Variants in PPIL6 observed in about 807,000 individuals in gnomAD.
PPIL6 encodes probable inactive peptidyl-prolyl cis-trans isomerase-like 6.
In PPIL6, 39 loss-of-function variants were observed where a neutral mutation model predicts 36.8. The ratio of observed to expected loss-of-function variants is 1.06; its 90% CI spans 0.82 to 1.38. PPIL6 has a LOEUF of 1.38. Ranked by LOEUF, PPIL6 falls within the 40% of genes most tolerant of loss-of-function variation. The pLI, the probability that PPIL6 is intolerant of heterozygous loss-of-function variation, is 0.00. For missense variants in PPIL6, 368 were observed against 379.1 expected (o/e 0.97, Z 0.24); for synonymous variants, 123 against 134.1 (o/e 0.92, Z 0.57).
intron 5 of PPIL6, among the ~76,000 whole-genome samples, chr6:109,424,904 C>T (rs750309794): frequency 1.3e-5 from 2 of 152,198 alleles, no homozygotes; most frequent in Admixed American, 6.5e-5. Flanking sequence ...AAATGGGCAA[C>T]CAGCAGCCCT....
intron 1 of PPIL6, among the ~76,000 whole-genome samples, chr6:109,436,718 T>C (rs934192752): frequency 1.3e-5 from 2 of 151,964 alleles, no homozygotes; most frequent in Admixed American, 6.6e-5. Context: ...GGGACTCTAT[T>C]TCAAAAAACA....
chr6:109,422,957 C>T lies in PPIL6; in HGVS notation c.632-3714G>A, dbSNP rs575593196. On this transcript the variant is annotated intron_variant, in intron 5 of 7. Coordinates refer to ENST00000521072, the MANE Select transcript of PPIL6 (RefSeq NM_173672.5). ...TTCATTCATATCTCTTAACCTTCAGCCAACTCACACCATAGCAGCGCTCAT... is the reference window on the plus strand; with the variant it reads ...TTCATTCATATCTCTTAACCTTCAGTCAACTCACACCATAGCAGCGCTCAT... Among the ~76,000 whole-genome samples the T allele has an allele frequency of 7.2e-5, 11 of 152,346 alleles. No homozygotes were observed. In the East Asian group the frequency reaches 9.6e-4, roughly 13 times the overall value.
chr6:109,427,304 G>A (rs747535819), intron 3 of PPIL6, 148 bp from the exon 4 acceptor site: 8 of 525,120 alleles, frequency 1.5e-5, no homozygotes, highest in Admixed American at 3.6e-5. Context: ...AAAATTAAGT[G>A]AATGACTTGT....
chr6:109,394,056 G>A (rs1291217104), intron 7 of PPIL6, among the ~76,000 whole-genome samples: 1 of 152,152 alleles, frequency 6.6e-6, no homozygotes, highest in East Asian at 1.9e-4. Context: ...ACTGAGTGAT[G>A]AATAAAAGAC....
intron 5 of PPIL6, among the ~76,000 whole-genome samples, chr6:109,425,368 A>G (rs1773757740): frequency 6.6e-6 from 1 of 152,222 alleles, no homozygotes; most frequent in African/African-American, 2.4e-5. Context: ...AAATAAAAAC[A>G]CAAACAAATA....
Position 109,413,671 on chromosome 6 carries a change from T to C in PPIL6, c.688+5516A>G, listed in dbSNP as rs192770379. On this transcript the variant is annotated intron_variant, in intron 6 of 7. Transcript: ENST00000521072. The surrounding 1 kb of genome is among the most constrained non-coding windows in gnomAD (Gnocchi z 4.6). Reference sequence around the variant, plus strand: ...AGAGATACCTGCACTCCTATGTTTGTTGCAGCACTGTTTACAATTGCCAAG... The same window carrying C: ...AGAGATACCTGCACTCCTATGTTTGCTGCAGCACTGTTTACAATTGCCAAG... 6.6e-6 allele frequency among the ~76,000 whole-genome samples: 1 copy of C among 152,344 alleles called. No individual in the cohort carries two copies. The highest frequency in any genetic ancestry group is 2.4e-5 in the African/African-American group (1 of 41,594).
intron 6 of PPIL6, among the ~76,000 whole-genome samples, chr6:109,401,005 G>A (rs948374728): frequency 1.3e-5 from 2 of 148,860 alleles, no homozygotes; most frequent in African/African-American, 5.0e-5. Flanking sequence ...GACTACAGGC[G>A]CCCGCCACCA....
At chr6:109,416,454 C>G (rs1332304898) in intron 6 of PPIL6, among the ~76,000 whole-genome samples, 1 of 151,288 alleles carries the variant, frequency 6.6e-6, no homozygotes, top group Non-Finnish European at 1.5e-5. Context: ...CCACCCGCCT[C>G]AGCCTCCCAA....
chr6:109,399,265 G>A (rs1466190716), intron 7 of PPIL6, among the ~76,000 whole-genome samples: 4 of 151,960 alleles, frequency 2.6e-5, no homozygotes, highest in South Asian at 2.1e-4. Context: ...ATGCCACCAC[G>A]CCTGGCTAAT....
chr6:109,425,499 A>C (rs1773764275), intron 5 of PPIL6, among the ~76,000 whole-genome samples: 1 of 152,254 alleles, frequency 6.6e-6, no homozygotes, highest in Non-Finnish European at 1.5e-5. Context: ...CTGTAATCCC[A>C]GCACTTTGGG....
At position 109,392,905 on chromosome 6, in the gene PPIL6, T is replaced by C. The variant is rs887366189; in HGVS notation, c.857A>G (p.Gln286Arg). 1 of 1,611,840 alleles carries C rather than the reference T, an allele frequency of 6.2e-7. No individual in the cohort carries two copies. Among genetic ancestry groups the C allele is most frequent in the Non-Finnish European group, 8.5e-7 (1 of 1,178,682 alleles). ...ATTCTGTGTTGGAACTAATTCTAGT[T>C]GTTTAAGCACTTCTGTTCCTTCAAT... is the stretch of plus-strand genomic sequence containing the variant. ...QLIEGTEVLK[Q>R]LELVPTQNER... Residue 286 changes from glutamine (Q) to arginine (R), a missense_variant, in exon 8 of 8, where the codon CAA becomes CGA. Transcript: ENST00000521072.
Position 109,405,984 on chromosome 6 carries a change from A to G in PPIL6, c.689-5814T>C, listed in dbSNP as rs562866164. 2.0e-5 allele frequency among the ~76,000 whole-genome samples: 3 copies of G among 152,192 alleles called. No homozygotes were observed. The East Asian group carries it at 5.8e-4, about 29-fold the overall frequency. On this transcript the variant is annotated intron_variant, in intron 6 of 7. Coordinates refer to ENST00000521072, the MANE Select transcript of PPIL6 (RefSeq NM_173672.5). ...AAAGTTTTTCTTAAACCTCATTTTC[A>G]CAATAAACTCAGTGGTTTTTGTTGT...
chr6:109,429,338 T>C (rs770645625), intron 3 of PPIL6, among the ~76,000 whole-genome samples: 1 of 152,280 alleles, frequency 6.6e-6, no homozygotes, highest in Non-Finnish European at 1.5e-5. Context: ...TACTCTTTTA[T>C]GGAAAGCTCT....
intron 6 of PPIL6, chr6:109,403,154 T>G: frequency 1.5e-6 from 2 of 1,366,776 alleles, no homozygotes; most frequent in Non-Finnish European, 2.0e-6. Context: ...AATTAAATTT[T>G]TTTAGAGAAG....
chr6:109,395,315 G>C (rs745981493), intron 7 of PPIL6, among the ~76,000 whole-genome samples: 2 of 151,824 alleles, frequency 1.3e-5, no homozygotes, highest in Non-Finnish European at 2.9e-5. Context: ...GCGGAGGCAT[G>C]AGAATTGCTT....
At chr6:109,407,554 A>G (rs1220919646) in intron 6 of PPIL6, among the ~76,000 whole-genome samples, 1 of 152,088 alleles carries the variant, frequency 6.6e-6, no homozygotes, top group African/African-American at 2.4e-5. Flanking sequence ...TATTCTTATT[A>G]GCCTCTATTA....
In PPIL6 at chr6:109,413,924, A is replaced by T. The variant is rs987197918; in HGVS notation, c.688+5263T>A. 2.0e-5 allele frequency among the ~76,000 whole-genome samples: 3 copies of T among 152,206 alleles called. No homozygotes were observed. Among genetic ancestry groups the T allele is most frequent in the Non-Finnish European group, 4.4e-5 (3 of 68,032 alleles). ...AGATCTAAAAATCAAAACAAATAAA[A>T]TCATGGAGACGAGAGTAGAAGGATG... On this transcript the variant is annotated intron_variant, in intron 6 of 7. Transcript: ENST00000521072. The surrounding 1 kb of genome is among the most constrained non-coding windows in gnomAD (Gnocchi z 4.6).
intron 1 of PPIL6, among the ~76,000 whole-genome samples, chr6:109,437,600 G>A (rs1032169055): frequency 7.2e-6 from 1 of 138,792 alleles, no homozygotes; most frequent in South Asian, 2.3e-4. Context: ...TGTTGCCCAG[G>A]ATGGAGTGCA....
chr6:109,432,541 T>C (rs908461850), intron 2 of PPIL6, among the ~76,000 whole-genome samples: 1 of 152,204 alleles, frequency 6.6e-6, no homozygotes, highest in African/African-American at 2.4e-5. Context: ...TTCTCATTGA[T>C]CTCAGATTCT....
Sources: gnomAD v4.1 joint callset for allele counts (sites outside exome capture counted in the v4.1 genomes callset) on GRCh38, gnomAD v4.1.1 for gene constraint, Gnocchi (gnomAD v3.1) non-coding constraint, MANE v1.5 for transcripts, NCBI Gene and HGNC (gene_info 2026-07-23, HGNC 2026-07-21) for gene names.